Variants in DSCAM observed in about 807,000 individuals in gnomAD.
DSCAM encodes the protein DS cell adhesion molecule, also known as cell adhesion molecule DSCAM.
In DSCAM, 47 loss-of-function variants were observed where a neutral mutation model predicts 217.7. The ratio of observed to expected loss-of-function variants is 0.22; its 90% CI spans 0.17 to 0.28. DSCAM has a LOEUF of 0.28. Ranked by LOEUF, DSCAM falls within the 10% of genes least tolerant of loss-of-function variation. The pLI is 1.00. For synonymous variants in DSCAM, 1,056 were observed against 1,015.3 expected, an observed-to-expected ratio of 1.04 and a Z score of -0.76; for missense variants, 2,080 against 2,618.3, an observed-to-expected ratio of 0.79 and a Z score of 4.49.
chr21:40,013,450 G>C, intron 32 of DSCAM, 64 bp from the exon 33 acceptor site: 3 of 1,255,290 alleles, frequency 2.4e-6, no homozygotes, highest in Non-Finnish European at 3.2e-6. Flanking sequence ...AGAATGTCCT[G>C]TGTGCACACG....
At chr21:40,508,774 TATATATA>T (rs2076234138) in intron 3 of DSCAM, among the ~76,000 whole-genome samples, 3 of 6,622 alleles carry the variant, frequency 4.5e-4, no homozygotes, top group Non-Finnish European at 5.3e-4. Flanking sequence ...TATATATATA[TATATATA>T]TATTTTTTTT....
At chr21:40,486,500 A>AGAGAG (rs950938583) in intron 3 of DSCAM, among the ~76,000 whole-genome samples, 5 of 148,854 alleles carry the variant, frequency 3.4e-5, no homozygotes, top group African/African-American at 9.8e-5. Flanking sequence ...AAAGGGAAGG[A>AGAGAG]GAGAGGAGAG....
intron 3 of DSCAM, among the ~76,000 whole-genome samples, chr21:40,482,439 CTA>C (rs1225711454): frequency 3.9e-5 from 6 of 152,288 alleles, no homozygotes; most frequent in Admixed American, 1.3e-4. Context: ...TCTGCCCCTT[CTA>C]GACTCAACTT....
intron 3 of DSCAM, among the ~76,000 whole-genome samples, chr21:40,566,037 C>T (rs467058): frequency 0.79 from 120,537 of 152,180 alleles, 47,899 homozygotes; most frequent in African/African-American, 0.84. Flanking sequence ...TAAGTCTAGA[C>T]GTAAGCCAAA....
chr21:40,082,605 G>A (rs1601312469), intron 24 of DSCAM, among the ~76,000 whole-genome samples: 1 of 151,658 alleles, frequency 6.6e-6, no homozygotes, highest in South Asian at 2.1e-4. Context: ...ATTCCACAAG[G>A]CAGCTATTAC....
intron 5 of DSCAM, among the ~76,000 whole-genome samples, chr21:40,352,587 A>G (rs8132460): frequency 0.73 from 110,951 of 151,982 alleles, 40,924 homozygotes; most frequent in African/African-American, 0.82. Flanking sequence ...GGTGGGGAGG[A>G]GGAAGTAAGA....
chr21:40,023,302 T>C (rs2088311208), intron 32 of DSCAM, among the ~76,000 whole-genome samples: 1 of 152,162 alleles, frequency 6.6e-6, no homozygotes, highest in African/African-American at 2.4e-5. Flanking sequence ...AAGTCTTTGC[T>C]ATTGTGAATA....
intron 3 of DSCAM, among the ~76,000 whole-genome samples, chr21:40,460,167 T>C (rs1014529281): frequency 6.6e-6 from 1 of 152,136 alleles, no homozygotes; most frequent in Non-Finnish European, 1.5e-5. Context: ...AAATAGCTAA[T>C]GCATGCTGGG....
At chr21:40,562,068 G>A (rs551004718) in intron 3 of DSCAM, among the ~76,000 whole-genome samples, 60 of 152,204 alleles carry the variant, frequency 3.9e-4, no homozygotes, top group Admixed American at 3.2e-3. Flanking sequence ...TCCACTCTTG[G>A]GCTCAAATGT....
At chr21:40,465,467 T>A (rs2075837008) in intron 3 of DSCAM, among the ~76,000 whole-genome samples, 1 of 152,180 alleles carries the variant, frequency 6.6e-6, no homozygotes, top group African/African-American at 2.4e-5. Flanking sequence ...TTAAATCACC[T>A]GTTCAAATGG....
chr21:40,031,520 T>C (rs1312216991), intron 32 of DSCAM, among the ~76,000 whole-genome samples: 1 of 152,174 alleles, frequency 6.6e-6, no homozygotes, highest in Non-Finnish European at 1.5e-5. Context: ...CAGAATAGTG[T>C]GTATCAAAGA....
At chr21:40,793,421 T>C (rs958732719) in intron 1 of DSCAM, among the ~76,000 whole-genome samples, 1 of 152,186 alleles carries the variant, frequency 6.6e-6, no homozygotes, top group Non-Finnish European at 1.5e-5. Context: ...GTAAGGTCCA[T>C]TGTGACTTCA....
intron 3 of DSCAM, among the ~76,000 whole-genome samples, chr21:40,390,055 T>C (rs2075120079): frequency 6.6e-6 from 1 of 152,114 alleles, no homozygotes; most frequent in African/African-American, 2.4e-5. Context: ...CTTTCAAATC[T>C]CCTGGAGGGG....
rs2076786829 is a variant in DSCAM, at chr21:40,569,112, TGCAGGAGA to T, written c.508+123690_508+123697del. Among the ~76,000 whole-genome samples, 5 of 152,344 alleles carry T rather than the reference TGCAGGAGA, an allele frequency of 3.3e-5. No individual in the cohort carries two copies. The South Asian group carries it at 1.0e-3, about 32-fold the overall frequency. On this transcript the variant is annotated intron_variant, in intron 3 of 32. Transcript: ENST00000400454. ...CAACTGGACACAGACCTACCCACTG[TGCAGGAGA>T]GCTGGCCCCAGGGTGCCTTGCTGTT...
At position 40,806,727 on chromosome 21, in the gene DSCAM, T is replaced by C. The variant is rs142428750; in HGVS notation, c.43+39892A>G. 2.6e-5 allele frequency among the ~76,000 whole-genome samples: 4 copies of C among 152,314 alleles called. No homozygotes were observed. The East Asian group carries it at 5.8e-4, about 22-fold the overall frequency. On this transcript the variant is annotated intron_variant, in intron 1 of 32. Transcript: ENST00000400454. ...AACCAACCCAAATGCCCATCAGTGA[T>C]AGACTGGATAAAGAAAATGTGGCAC...
intron 3 of DSCAM, among the ~76,000 whole-genome samples, chr21:40,471,637 T>G (rs2075889271): frequency 6.6e-6 from 1 of 152,160 alleles, no homozygotes; most frequent in Admixed American, 6.5e-5. Flanking sequence ...GACACGCAGC[T>G]GGAAAGTTCT....
At chr21:40,428,321 A>AGG (rs1186651210) in intron 3 of DSCAM, among the ~76,000 whole-genome samples, 1 of 147,458 alleles carries the variant, frequency 6.8e-6, no homozygotes, top group African/African-American at 2.5e-5. Context: ...TCCAGGCTGG[A>AGG]GGGCAATGGT....
chr21:40,366,786 G>A (rs1427330350), intron 4 of DSCAM, among the ~76,000 whole-genome samples: 3 of 152,106 alleles, frequency 2.0e-5, no homozygotes, highest in Non-Finnish European at 4.4e-5. Flanking sequence ...TCAAGGACTC[G>A]ACATTTAGCC....
intron 3 of DSCAM, among the ~76,000 whole-genome samples, chr21:40,534,866 G>A (rs926493144): frequency 2.2e-4 from 33 of 151,904 alleles, no homozygotes; most frequent in African/African-American, 1.2e-4. Flanking sequence ...AATCATGGGC[G>A]GTTGTAATGA....
Sources: allele counts gnomAD v4.1 joint callset (sites outside exome capture counted in the v4.1 genomes callset), GRCh38; gene constraint gnomAD v4.1.1; transcripts MANE v1.5; gene names NCBI Gene and HGNC (gene_info 2026-07-23, HGNC 2026-07-21).